The following FGF14 variants were observed in gnomAD, a reference collection of about 807,000 sequenced individuals.
The protein encoded by FGF14 is fibroblast growth factor 14, also known as fibroblast growth factor homologous factor 4.
Under a neutral mutation model 25.5 loss-of-function variants are expected in FGF14, and 5 were observed. The ratio of observed to expected loss-of-function variants is 0.20; its 90% CI spans 0.10 to 0.41. The LOEUF is 0.41. Ranked by LOEUF, FGF14 falls within the 10% of genes least tolerant of loss-of-function variation. The pLI, the probability that FGF14 is intolerant of heterozygous loss-of-function variation, is 1.00. For synonymous variants in FGF14, 138 were observed against 118.3 expected (o/e 1.17, Z -1.08); for missense variants, 222 against 320.1 (o/e 0.69, Z 2.34).
chr13:101,727,398 T>A lies in FGF14; in HGVS notation c.409-588A>T, dbSNP rs569104659. ...TAGGTGTCATGTTAGCTGGTCATAG[T>A]GACAGTAGCTGAAAATAATTCAATG... On this transcript the variant is annotated intron_variant, in intron 3 of 4. Transcript: ENST00000376143. Among the ~76,000 whole-genome samples, 70 of 152,258 alleles carry A rather than the reference T, an allele frequency of 4.6e-4. 1 individual carries two copies. In the South Asian group the frequency reaches 0.014, roughly 31 times the overall value.
chr13:102,010,474 A>G (rs1375785479), intron 1 of FGF14, among the ~76,000 whole-genome samples: 2 of 152,206 alleles, frequency 1.3e-5, no homozygotes, highest in African/African-American at 2.4e-5. Context: ...TTCCTGTTCT[A>G]TGATGTAACC....
At chr13:101,960,163 G>A (rs968192771) in intron 1 of FGF14, among the ~76,000 whole-genome samples, 2 of 152,060 alleles carry the variant, frequency 1.3e-5, no homozygotes, top group African/African-American at 4.8e-5. Context: ...ATATAAGCTG[G>A]CCTTGAGAAT....
intron 1 of FGF14, among the ~76,000 whole-genome samples, chr13:101,976,144 C>G (rs1032891152): frequency 2.1e-5 from 2 of 94,132 alleles, no homozygotes; most frequent in Non-Finnish European, 4.2e-5. Context: ...AATGTGTTGA[C>G]CTGATTGTTC....
intron 1 of FGF14, among the ~76,000 whole-genome samples, chr13:102,318,923 G>C (rs1325272566): frequency 6.6e-6 from 1 of 152,192 alleles, no homozygotes; most frequent in Non-Finnish European, 1.5e-5. Context: ...ATGCATGAGT[G>C]AATCATCCTT....
intron 3 of FGF14, among the ~76,000 whole-genome samples, chr13:101,788,905 TATATAG>T (rs1227898828): frequency 4.1e-3 from 134 of 32,808 alleles, no homozygotes; most frequent in Admixed American, 9.8e-3. Context: ...TATATATATA[TATATAG>T]AGAGAGAGAG....
chr13:102,100,316 C>T (rs2044597966), intron 1 of FGF14, among the ~76,000 whole-genome samples: 1 of 152,178 alleles, frequency 6.6e-6, no homozygotes, highest in South Asian at 2.1e-4. Context: ...GGAACCCTCC[C>T]TACAAGAGCA....
intron 3 of FGF14, among the ~76,000 whole-genome samples, chr13:101,761,760 A>C (rs951052551): frequency 6.6e-6 from 1 of 152,206 alleles, no homozygotes; most frequent in East Asian, 1.9e-4. Context: ...TGATTTGTCA[A>C]TTAAAAAATT....
intron 3 of FGF14, among the ~76,000 whole-genome samples, chr13:101,828,741 C>G (rs914606376): frequency 5.3e-5 from 8 of 151,980 alleles, no homozygotes; most frequent in African/African-American, 1.9e-4. Flanking sequence ...TTCCGATTAT[C>G]CATGCTGGGT....
At chr13:101,953,579 T>C (rs898927029) in intron 1 of FGF14, among the ~76,000 whole-genome samples, 2 of 149,722 alleles carry the variant, frequency 1.3e-5, no homozygotes, top group Admixed American at 6.7e-5. Flanking sequence ...TGTATATATA[T>C]ATATATATAA....
At chr13:102,215,009 A>C (rs1319524774) in intron 1 of FGF14, among the ~76,000 whole-genome samples, 1 of 152,232 alleles carries the variant, frequency 6.6e-6, no homozygotes, top group Admixed American at 6.5e-5. Context: ...AGTGGGAAAC[A>C]GATTCTTTTT....
At chr13:102,396,714 A>T (rs1423976026) in intron 1 of FGF14, among the ~76,000 whole-genome samples, 1 of 152,226 alleles carries the variant, frequency 6.6e-6, no homozygotes, top group African/African-American at 2.4e-5. Flanking sequence ...GTACAGCCAA[A>T]GTCATCTTCA....
At chr13:101,847,210 C>A (rs551068768) in intron 3 of FGF14, among the ~76,000 whole-genome samples, 18 of 152,066 alleles carry the variant, frequency 1.2e-4, no homozygotes, top group African/African-American at 4.3e-4. Flanking sequence ...GTAAAACTAT[C>A]CCTGTCTCTG....
chr13:102,196,833 C>A (rs1418261045), intron 1 of FGF14, among the ~76,000 whole-genome samples: 1 of 152,198 alleles, frequency 6.6e-6, no homozygotes, highest in East Asian at 1.9e-4. Context: ...CATCTACCCC[C>A]TTTCCATCCA....
chr13:101,855,276 T>TCA (rs2044066330), intron 3 of FGF14, among the ~76,000 whole-genome samples: 2 of 152,028 alleles, frequency 1.3e-5, no homozygotes, highest in Admixed American at 1.3e-4. Context: ...ATCTTCAACT[T>TCA]GCTGTTCTTA....
chr13:101,785,061 T>C (rs979548237), intron 3 of FGF14, among the ~76,000 whole-genome samples: 1 of 151,042 alleles, frequency 6.6e-6, no homozygotes, highest in African/African-American at 2.5e-5. Flanking sequence ...GGGTCTCACA[T>C]TGTCTCCTAG....
chr13:101,934,298 C>G (rs1171131719), intron 1 of FGF14, among the ~76,000 whole-genome samples: 7 of 152,306 alleles, frequency 4.6e-5, no homozygotes, highest in African/African-American at 1.7e-4. Context: ...GCCCAAATCA[C>G]TGGTATACCA....
chr13:102,086,393 G>A (rs2124991), intron 1 of FGF14, among the ~76,000 whole-genome samples: 45,916 of 151,814 alleles, frequency 0.3, 8,381 homozygotes, highest in Non-Finnish European at 0.41. Context: ...AGCCGGGCGT[G>A]GTGGCGGGCG....
In FGF14 at chr13:101,804,599, C is replaced by G. The variant is rs186486563; in HGVS notation, c.408+64126G>C. ...AGACATACACAAGCACACATACACA[C>G]ATATGCTGATGTGGGAAGGCACATT... On this transcript the variant is annotated intron_variant, in intron 3 of 4. Coordinates refer to ENST00000376143, the MANE Select transcript of FGF14 (RefSeq NM_004115.4). 1.2e-3 allele frequency among the ~76,000 whole-genome samples: 185 copies of G among 152,254 alleles called. 1 individual carries two copies. Among genetic ancestry groups the G allele is most frequent in the African/African-American group, 3.8e-3 (157 of 41,542 alleles).
chr13:101,857,144 A>G (rs143669921), intron 3 of FGF14, among the ~76,000 whole-genome samples: 2 of 152,178 alleles, frequency 1.3e-5, no homozygotes, highest in Non-Finnish European at 2.9e-5. Context: ...GTACCATTAG[A>G]CACTAGTGTC....
Sources: allele counts gnomAD v4.1 joint callset (sites outside exome capture counted in the v4.1 genomes callset), GRCh38; gene constraint gnomAD v4.1.1; transcripts MANE v1.5; gene names NCBI Gene and HGNC (gene_info 2026-07-23, HGNC 2026-07-21).